The following MTUS1 variants were observed in gnomAD, a reference collection of about 807,000 sequenced individuals.
MTUS1 encodes the protein microtubule-associated tumor suppressor 1.
A neutral mutation model predicts 120.8 loss-of-function variants in MTUS1; 109 were observed. That is an observed-to-expected ratio of 0.90 (90% CI 0.77 to 1.06). The LOEUF (loss-of-function observed/expected upper bound fraction) is 1.06, where lower values mean the gene tolerates loss of function less well. Ranked by LOEUF, MTUS1 falls within the 50% of genes least tolerant of loss-of-function variation. The pLI, the probability that MTUS1 is intolerant of heterozygous loss-of-function variation, is 0.00. For synonymous variants in MTUS1, 737 were observed against 550.5 expected (o/e 1.34, Z -4.74); for missense variants, 2,210 against 1,486.3 (o/e 1.49, Z -8.01).
rs144960895 is a variant in MTUS1 at position 17,666,729 on chromosome 8, C to G, written c.2905+8457G>C. Among the ~76,000 whole-genome samples the G allele has an allele frequency of 5.3e-3, 813 of 152,276 alleles. 5 individuals carry two copies. Among genetic ancestry groups the G allele is most frequent in the Non-Finnish European group, 8.9e-3 (605 of 68,024 alleles). ...ACCTGAGGACACTAGGGCCAGAGGTCAGGAAGAGGGATCACCTTCCCCATC... is the reference window on the plus strand; with the variant it reads ...ACCTGAGGACACTAGGGCCAGAGGTGAGGAAGAGGGATCACCTTCCCCATC... On this transcript the variant is annotated intron_variant, in intron 8 of 14. Transcript: ENST00000693296.
At chr8:17,742,384 G>C (rs984313514) in intron 3 of MTUS1, among the ~76,000 whole-genome samples, 1 of 150,128 alleles carries the variant, frequency 6.7e-6, no homozygotes, top group East Asian at 2.0e-4. Context: ...TAAAGCACTG[G>C]GATTTCAGGC....
At chr8:17,734,470 A>C (rs1052242983) in intron 3 of MTUS1, among the ~76,000 whole-genome samples, 2 of 152,100 alleles carry the variant, frequency 1.3e-5, no homozygotes, top group East Asian at 3.9e-4. Context: ...AAAAAGTCCC[A>C]CAAAGGGAAG....
chr8:17,766,757 G>C (rs996763028), intron 1 of MTUS1, among the ~76,000 whole-genome samples: 2 of 152,148 alleles, frequency 1.3e-5, no homozygotes, highest in Non-Finnish European at 2.9e-5. Context: ...ATATGATAGT[G>C]CAGAGTTAAT....
At chr8:17,717,107 C>T (rs913376023) in intron 4 of MTUS1, among the ~76,000 whole-genome samples, 18 of 152,276 alleles carry the variant, frequency 1.2e-4, no homozygotes, top group African/African-American at 4.1e-4. Flanking sequence ...TTTGTACAGG[C>T]GTGCTATTAT....
chr8:17,720,904 T>G (rs2045787582), intron 4 of MTUS1, among the ~76,000 whole-genome samples: 2 of 152,140 alleles, frequency 1.3e-5, no homozygotes, highest in South Asian at 2.1e-4. Flanking sequence ...TTTTCTACAC[T>G]TAAAAGAACA....
At chr8:17,721,701 C>G (rs144312287) in intron 4 of MTUS1, 26 of 1,547,834 alleles carry the variant, frequency 1.7e-5, no homozygotes, top group Non-Finnish European at 2.3e-5. Flanking sequence ...AACCAGAAAT[C>G]GTCGACCTAC....
At position 17,649,779 on chromosome 8, in the gene MTUS1, T is replaced by C. The variant is rs1585388590; in HGVS notation, c.3501+67A>G. On this transcript the variant is annotated intron_variant, in intron 13 of 14. Transcript: ENST00000693296. Reference sequence around the variant, plus strand: ...TTAACCCAACTCCACAGTTCTAAAATGCAGGGCTCAATTTCACACATATTA... The same window carrying C: ...TTAACCCAACTCCACAGTTCTAAAACGCAGGGCTCAATTTCACACATATTA... The C allele has an allele frequency of 1.9e-5, 16 of 852,176 alleles. No homozygotes were observed. In the East Asian group the frequency reaches 3.6e-4, roughly 19 times the overall value. The allele number at this position is 852,176 out of a possible 1,614,324, so 52.8% of individuals were successfully genotyped here. A position where few individuals can be genotyped will look rare whatever the true frequency, so the allele number is the denominator to read the frequency against.
intron 6 of MTUS1, among the ~76,000 whole-genome samples, chr8:17,692,798 G>T (rs898975434): frequency 5.9e-5 from 9 of 152,124 alleles, no homozygotes; most frequent in African/African-American, 2.2e-4. Context: ...AATAAACTCT[G>T]TGACATGAGT....
intron 1 of MTUS1, among the ~76,000 whole-genome samples, chr8:17,775,610 T>C (rs960664611): frequency 6.6e-6 from 1 of 152,124 alleles, no homozygotes; most frequent in African/African-American, 2.4e-5. Flanking sequence ...TCTCACTCTA[T>C]TAACTTAACT....
intron 1 of MTUS1, among the ~76,000 whole-genome samples, chr8:17,786,161 A>G (rs1003837252): frequency 1.3e-5 from 2 of 152,126 alleles, no homozygotes; most frequent in African/African-American, 2.4e-5. Flanking sequence ...AACAAAAAAA[A>G]GCAGCTTAGA....
In MTUS1 at chr8:17,723,673, A is replaced by G. The variant is rs1459623098; in HGVS notation, c.2448T>C (p.Asn816=). 15 of 1,608,716 alleles carry G rather than the reference A, an allele frequency of 9.3e-6. No homozygotes were observed. The highest frequency in any genetic ancestry group is 2.7e-5 in the African/African-American group (2 of 74,834). ...THSELSTYSN[N]SGNAAVIKYE... Reference sequence around the variant, plus strand: ...AAGTGTGATATAAAGTCGACTTACAATTGTTGCTGTAAGTGCTCAGCTCAC... The same window carrying G: ...AAGTGTGATATAAAGTCGACTTACAGTTGTTGCTGTAAGTGCTCAGCTCAC... The change falls in exon 4 of 15, where the codon AAT becomes AAC. Residue 816 remains asparagine (N), a splice_region_variant and synonymous_variant. Coordinates refer to ENST00000693296, the MANE Select transcript of MTUS1 (RefSeq NM_001363059.2).
At chr8:17,694,447 C>A (rs1205143857) in intron 6 of MTUS1, among the ~76,000 whole-genome samples, 2 of 152,136 alleles carry the variant, frequency 1.3e-5, no homozygotes, top group Non-Finnish European at 2.9e-5. Context: ...AGGCGAATTG[C>A]CTGAGGTCAG....
chr8:17,654,514 T>G, intron 10 of MTUS1, 47 bp downstream of exon 10: 1 of 1,216,712 alleles, frequency 8.2e-7, no homozygotes, highest in East Asian at 2.3e-5. Flanking sequence ...CATCATGTGG[T>G]TCCTTCAGAT....
At chr8:17,663,321 TG>T (rs1326861977) in intron 8 of MTUS1, among the ~76,000 whole-genome samples, 2 of 152,194 alleles carry the variant, frequency 1.3e-5, no homozygotes, top group African/African-American at 4.8e-5. Flanking sequence ...CTTTGTTGAT[TG>T]ATAAATGTAC....
At chr8:17,689,783 T>C (rs912362134) in intron 6 of MTUS1, among the ~76,000 whole-genome samples, 2 of 151,898 alleles carry the variant, frequency 1.3e-5, no homozygotes, top group African/African-American at 4.8e-5. Flanking sequence ...ATACATACAA[T>C]GGGGAAAGGA....
chr8:17,776,444 T>G (rs1346623551), intron 1 of MTUS1, among the ~76,000 whole-genome samples: 1 of 151,984 alleles, frequency 6.6e-6, no homozygotes, highest in African/African-American at 2.4e-5. Context: ...CATTTTGGGA[T>G]GCCAAGGTGG....
At chr8:17,717,325 G>T (rs1321901408) in intron 4 of MTUS1, among the ~76,000 whole-genome samples, 1 of 152,172 alleles carries the variant, frequency 6.6e-6, no homozygotes, top group Non-Finnish European at 1.5e-5. Flanking sequence ...GGAAGCTAAT[G>T]GGAGTGACAG....
At chr8:17,742,304 T>TTTTTTTTTTC (rs1563302539) in intron 3 of MTUS1, among the ~76,000 whole-genome samples, 2 of 144,804 alleles carry the variant, frequency 1.4e-5, no homozygotes, top group African/African-American at 5.2e-5. Flanking sequence ...TTTTTTTTTT[T>TTTTTTTTTTC]TTTTTTTAGA....
chr8:17,714,345 T>C (rs138671828), intron 5 of MTUS1, among the ~76,000 whole-genome samples: 3 of 152,128 alleles, frequency 2.0e-5, no homozygotes, highest in African/African-American at 7.2e-5. Context: ...GAGAGAGACA[T>C]GTTAAGGAGG....
Sources: gnomAD v4.1 joint callset for allele counts (sites outside exome capture counted in the v4.1 genomes callset) on GRCh38, gnomAD v4.1.1 for gene constraint, MANE v1.5 for transcripts, NCBI Gene and HGNC (gene_info 2026-07-23, HGNC 2026-07-21) for gene names.